The following GPC6 variants were observed in gnomAD, a reference collection of about 807,000 sequenced individuals.
GPC6 encodes glypican 6.
A neutral mutation model predicts 55.2 loss-of-function variants in GPC6; 14 were observed. The observed-to-expected ratio is 0.25, with a 90% CI of 0.17 to 0.40. GPC6 has a LOEUF of 0.40. Ranked by LOEUF, GPC6 falls within the 10% of genes least tolerant of loss-of-function variation. The pLI is 1.00. For synonymous variants in GPC6, 278 were observed against 259.6 expected (o/e 1.07, Z -0.68); for missense variants, 641 against 708.5 (o/e 0.90, Z 1.08).
intron 1 of GPC6, among the ~76,000 whole-genome samples, chr13:93,379,149 G>A (rs1293784298): frequency 6.6e-6 from 1 of 152,060 alleles, no homozygotes; most frequent in African/African-American, 2.4e-5. Context: ...CTTCTCCTGG[G>A]CTTAGGTAAT....
Position 93,586,297 on chromosome 13 carries a change from C to T in GPC6, c.319+40876C>T, listed in dbSNP as rs145499755. On this transcript the variant is annotated intron_variant, in intron 2 of 8. Coordinates refer to ENST00000377047, the MANE Select transcript of GPC6 (RefSeq NM_005708.5). ...TCCCTGCAAAGGACATGATCTCATT[C>T]ATTTTATGGCTGCATAGTATTCCAT... 5.7e-3 allele frequency among the ~76,000 whole-genome samples: 869 copies of T among 152,296 alleles called. 16 individuals carry two copies. Among genetic ancestry groups the T allele is most frequent in the African/African-American group, 0.019 (797 of 41,566 alleles).
intron 1 of GPC6, among the ~76,000 whole-genome samples, chr13:93,496,057 T>C (rs1259527013): frequency 6.6e-6 from 1 of 152,044 alleles, no homozygotes; most frequent in Non-Finnish European, 1.5e-5. Flanking sequence ...TCCACCCAGT[T>C]GGAGCTTCCT....
chr13:94,207,843 G>A (rs1354300057), intron 4 of GPC6, among the ~76,000 whole-genome samples: 1 of 152,162 alleles, frequency 6.6e-6, no homozygotes, highest in Non-Finnish European at 1.5e-5. Context: ...TCTGTAAGCA[G>A]AAAGCCTGAA....
At chr13:93,388,320 C>T (rs1875483024) in intron 1 of GPC6, among the ~76,000 whole-genome samples, 1 of 152,140 alleles carries the variant, frequency 6.6e-6, no homozygotes, top group African/African-American at 2.4e-5. Flanking sequence ...TTCCTGAGAC[C>T]TGAAGCATCT....
chr13:93,661,776 G>C (rs981093991), intron 2 of GPC6, among the ~76,000 whole-genome samples: 5 of 152,176 alleles, frequency 3.3e-5, no homozygotes, highest in Non-Finnish European at 7.3e-5. Flanking sequence ...TGAGGCAGGG[G>C]TTGCCAATCT....
chr13:93,779,647 G>A (rs1002725536), intron 2 of GPC6, among the ~76,000 whole-genome samples: 3 of 152,212 alleles, frequency 2.0e-5, no homozygotes, highest in African/African-American at 7.2e-5. Context: ...AATGGCTTAT[G>A]TTAGCGTCGT....
At chr13:94,192,900 G>T (rs1889443669) in intron 4 of GPC6, among the ~76,000 whole-genome samples, 1 of 152,154 alleles carries the variant, frequency 6.6e-6, no homozygotes. Flanking sequence ...GCATCAGTTT[G>T]CTGAAACCTG....
chr13:93,654,292 C>A (rs913237300), intron 2 of GPC6, among the ~76,000 whole-genome samples: 1 of 151,902 alleles, frequency 6.6e-6, no homozygotes, highest in South Asian at 2.1e-4. Flanking sequence ...CTCACTCTGT[C>A]GCCCAGGCTG....
intron 2 of GPC6, among the ~76,000 whole-genome samples, chr13:93,697,114 C>T (rs1463278539): frequency 2.0e-5 from 3 of 152,112 alleles, no homozygotes; most frequent in Non-Finnish European, 2.9e-5. Context: ...GGAGATCAAG[C>T]TCCTTAGCAT....
At position 93,938,224 on chromosome 13, in the gene GPC6, C is replaced by A. The variant is rs552116140; in HGVS notation, c.712-89505C>A. Among the ~76,000 whole-genome samples the A allele has an allele frequency of 1.5e-4, 23 of 152,192 alleles. No individual in the cohort carries two copies. The South Asian group carries it at 4.8e-3, about 32-fold the overall frequency. Reference sequence around the variant, plus strand: ...AAAAAACTCTGGAACAGAAGCAAACCTAATTTGATGCTGAATTCACAAATG... The same window carrying A: ...AAAAAACTCTGGAACAGAAGCAAACATAATTTGATGCTGAATTCACAAATG... On this transcript the variant is annotated intron_variant, in intron 3 of 8. Coordinates refer to ENST00000377047, the MANE Select transcript of GPC6 (RefSeq NM_005708.5).
At chr13:93,555,798 G>C (rs191916881) in intron 2 of GPC6, among the ~76,000 whole-genome samples, 9 of 152,124 alleles carry the variant, frequency 5.9e-5, no homozygotes, top group Non-Finnish European at 1.0e-4. Context: ...AGATTGCTGG[G>C]TTCAACACCA....
At chr13:94,363,873 T>G (rs9589971) in intron 6 of GPC6, among the ~76,000 whole-genome samples, 7,695 of 152,244 alleles carry the variant, frequency 0.051, 637 homozygotes, top group African/African-American at 0.17. Context: ...GGACTGTAAG[T>G]ATAAAATACA....
At chr13:94,276,171 A>G (rs7325829) in intron 4 of GPC6, among the ~76,000 whole-genome samples, 37,859 of 152,170 alleles carry the variant, frequency 0.25, 5,642 homozygotes, top group African/African-American at 0.42. Context: ...ACCCTAGGAC[A>G]TGTTGAGTAG....
At chr13:93,884,218 T>A (rs76661617) in intron 3 of GPC6, among the ~76,000 whole-genome samples, 681 of 152,266 alleles carry the variant, frequency 4.5e-3, no homozygotes, top group Non-Finnish European at 6.5e-3. Context: ...TAAGGCGAAC[T>A]GTTTCCTCTT....
At chr13:94,324,311 T>TA (rs76342753) in intron 6 of GPC6, among the ~76,000 whole-genome samples, 8,006 of 107,132 alleles carry the variant, frequency 0.075, 453 homozygotes, top group East Asian at 0.26. Context: ...ATGAAAGCCT[T>TA]AAAAAAAAAA....
At chr13:94,382,648 C>G (rs902482070) in intron 7 of GPC6, 98 bp downstream of exon 7, 13 of 1,515,018 alleles carry the variant, frequency 8.6e-6, no homozygotes, top group Middle Eastern at 2.3e-4. Context: ...ATGCAAAAAG[C>G]AACAGAGGGT....
At chr13:93,592,668 C>G (rs1217280909) in intron 2 of GPC6, among the ~76,000 whole-genome samples, 1 of 151,316 alleles carries the variant, frequency 6.6e-6, no homozygotes, top group Non-Finnish European at 1.5e-5. Context: ...AGAATTTTAC[C>G]TGAGATAATT....
intron 1 of GPC6, among the ~76,000 whole-genome samples, chr13:93,336,414 C>T (rs1880047125): frequency 6.6e-6 from 1 of 152,140 alleles, no homozygotes; most frequent in African/African-American, 2.4e-5. Context: ...TCCAGTAGTT[C>T]AGAGTTTCAC....
At chr13:93,464,783 CAG>C (rs1490879423) in intron 1 of GPC6, among the ~76,000 whole-genome samples, 19 of 152,094 alleles carry the variant, frequency 1.2e-4, no homozygotes, top group Non-Finnish European at 2.6e-4. Flanking sequence ...GAATCATTTC[CAG>C]GAGGTTTTCA....
Sources: allele counts gnomAD v4.1 joint callset (sites outside exome capture counted in the v4.1 genomes callset), GRCh38; gene constraint gnomAD v4.1.1; transcripts MANE v1.5; gene names NCBI Gene and HGNC (gene_info 2026-07-23, HGNC 2026-07-21).